The following NPAP1 variants were observed in gnomAD, a reference collection of about 807,000 sequenced individuals.
NPAP1 encodes nuclear pore-associated protein 1.
For missense variants in NPAP1, 1,483 were observed against 1,454.5 expected (o/e 1.02, Z -0.32); for synonymous variants, 616 against 581.4 (o/e 1.06, Z -0.86).
rs2048976923 is a variant in NPAP1, at chr15:24,676,564, T to A, written c.697T>A (p.Cys233Ser). The A allele has an allele frequency of 6.2e-7, 1 of 1,614,024 alleles. No homozygotes were observed. Among genetic ancestry groups the A allele is most frequent in the Non-Finnish European group, 8.5e-7 (1 of 1,180,002 alleles). The change falls in exon 1 of 1, where the codon TGC becomes AGC. Residue 233 changes from cysteine to serine, a missense_variant. By Grantham distance (112) the Cys-to-Ser change is moderately radical. Transcript: ENST00000329468. ...EKAQASPASSCLEGPAMPSTH... is the reference protein window; with the variant it reads ...EKAQASPASSSLEGPAMPSTH... The stretch of plus-strand genomic sequence containing the variant: ...GGCCCAGGCGTCTCCAGCGAGCTCC[T>A]GCTTGGAAGGCCCTGCCATGCCCAG...
At position 24,678,768 on chromosome 15, in the gene NPAP1, C is replaced by A. The variant is rs2141313415; in HGVS notation, c.2901C>A (p.His967Gln). The change falls in exon 1 of 1, where the codon CAC (histidine) becomes CAA (glutamine). Residue 967 changes from histidine to glutamine, a missense_variant. Coordinates refer to ENST00000329468, the MANE Select transcript of NPAP1 (RefSeq NM_018958.3). ...TPVNAEPVEG[H>Q]NASAFPNGTA... is the part of the protein sequence containing the mutation. Reference sequence around the variant, plus strand: ...TTAATGCTGAGCCAGTCGAGGGTCACAATGCAAGTGCTTTCCCCAATGGCA... The same window carrying A: ...TTAATGCTGAGCCAGTCGAGGGTCAAAATGCAAGTGCTTTCCCCAATGGCA... The A allele has an allele frequency of 6.2e-7, 1 of 1,614,220 alleles. No homozygotes were observed. The highest frequency in any genetic ancestry group is 8.5e-7 in the Non-Finnish European group (1 of 1,180,042).
rs200615809 is a variant in NPAP1, at chr15:24,676,145, C to T, written c.278C>T (p.Ala93Val). ...GVLPAVGWGL[A>V]IRKTPMLPAR... Reference sequence around the variant, plus strand: ...CTGCCGGCTGTGGGTTGGGGGCTGGCCATCAGGAAGACACCCATGCTGCCT... The same window carrying T: ...CTGCCGGCTGTGGGTTGGGGGCTGGTCATCAGGAAGACACCCATGCTGCCT... The change falls in exon 1 of 1, where the codon GCC (alanine) becomes GTC (valine). Residue 93 changes from alanine (A) to valine (V), a missense_variant. Coordinates refer to ENST00000329468, the MANE Select transcript of NPAP1 (RefSeq NM_018958.3). 779 of 1,574,944 alleles carry T rather than the reference C, an allele frequency of 4.9e-4. 8 individuals are homozygous for T. Among genetic ancestry groups the T allele is most frequent in the Admixed American group, 6.1e-4 (34 of 55,302 alleles).
chr15:24,677,523 A>G lies in NPAP1; in HGVS notation c.1656A>G (p.Ser552=), dbSNP rs2048985042. ...CCAGCAAGCCTATGAATTCCACGTCAGTCATTTCCACTGTCACAACAAACG... is the reference window on the plus strand; with the variant it reads ...CCAGCAAGCCTATGAATTCCACGTCGGTCATTTCCACTGTCACAACAAACG... ...VITSKPMNST[S]VISTVTTNAS... is the part of the protein sequence containing the mutation. The change falls in exon 1 of 1, where the codon TCA becomes TCG. Residue 552 remains serine, a synonymous_variant. Transcript: ENST00000329468. 6.2e-7 allele frequency: 1 copy of G among 1,614,126 alleles called. No individual in the cohort carries two copies. The highest frequency in any genetic ancestry group is 1.1e-5 in the South Asian group (1 of 91,082).
At position 24,680,996 on chromosome 15, in the gene NPAP1, G is replaced by A. The variant is rs75750655; in HGVS notation, c.*1658G>A. 7.9e-3 allele frequency: 1,323 copies of A among 167,166 alleles called. 19 individuals carry two copies. The highest frequency in any genetic ancestry group is 0.03 in the African/African-American group (1,242 of 41,562). 10.4% of individuals were successfully genotyped at this position (167,166 alleles called of 1,614,324 possible). The stretch of plus-strand genomic sequence containing the variant: ...TTTAAACGAAGCCTAGAGAGAAGCA[G>A]TTGAGCCAGATATATGAGCAAAGAC... On this transcript the variant is annotated 3_prime_UTR_variant, in exon 1 of 1. Transcript: ENST00000329468.
chr15:24,676,780 G>T, the NPAP1 span: 1 of 1,613,440 alleles, frequency 6.2e-7, no homozygotes. Context: ...GATGCCTGAT[G>T]AGAAGCCTTT....
At position 24,676,117 on chromosome 15, in the gene NPAP1, G is replaced by A. The variant is rs757661151; in HGVS notation, c.250G>A (p.Val84Ile). Residue 84 changes from valine (V) to isoleucine (I), a missense_variant, in exon 1 of 1, where the codon GTC becomes ATC. Transcript: ENST00000329468. ...TCGGGCTGCGGCCGCCCCTCTGGGG[G>A]TCCTGCCGGCTGTGGGTTGGGGGCT... ...LPRAAAAPLG[V>I]LPAVGWGLAI... The A allele has an allele frequency of 7.7e-6, 12 of 1,566,524 alleles. No individual in the cohort carries two copies. The highest frequency in any genetic ancestry group is 4.8e-5 in the South Asian group (4 of 83,424).
Position 24,678,875 on chromosome 15 carries a change from C to T in NPAP1, c.3008C>T (p.Pro1003Leu), listed in dbSNP as rs974714540. 27 of 1,614,132 alleles carry T rather than the reference C, an allele frequency of 1.7e-5. No homozygotes were observed. Among genetic ancestry groups the T allele is most frequent in the Non-Finnish European group, 2.1e-5 (25 of 1,180,024 alleles). ...DSTLLVGNTI[P>L]GPQVIMGPGT... ...ACCTTACTGGTTGGAAATACTATTC[C>T]AGGCCCACAAGTGATTATGGGACCT... Residue 1003 changes from proline (P) to leucine (L), a missense_variant, in exon 1 of 1, where the codon CCA becomes CTA. Pro to Leu is a moderately conservative substitution (Grantham distance 98, BLOSUM62 -3). Transcript: ENST00000329468.
In NPAP1 at chr15:24,680,143, A is replaced by AT. The variant is rs1353288363; in HGVS notation, c.*806dup. On this transcript the variant is annotated 3_prime_UTR_variant, in exon 1 of 1. Transcript: ENST00000329468. ...CCTGAGTAGCTGGGACTACAGGCAT[A>AT]TGCCACCACACCTGGCTATTTTTTA... is the stretch of plus-strand genomic sequence containing the variant. 1.9e-5 allele frequency: 3 copies of AT among 158,710 alleles called. No homozygotes were observed. The highest frequency in any genetic ancestry group is 7.2e-5 in the African/African-American group (3 of 41,410). The allele number at this position is 158,710 out of a possible 1,614,324, so 9.8% of individuals were successfully genotyped here. A position where few individuals can be genotyped will look rare whatever the true frequency, so the allele number is the denominator to read the frequency against.
rs1448478992 is a variant in NPAP1 at position 24,676,397 on chromosome 15, G to T, written c.530G>T (p.Arg177Met). The T allele has an allele frequency of 2.5e-6, 4 of 1,577,366 alleles. No homozygotes were observed. Among genetic ancestry groups the T allele is most frequent in the African/African-American group, 1.4e-5 (1 of 73,584 alleles). ...VQIEGEDDEKRTPLSSGEASS... is the reference protein window; with the variant it reads ...VQIEGEDDEKMTPLSSGEASS... ...ATCGAAGGGGAGGATGACGAGAAAA[G>T]GACCCCCCTTAGCAGCGGAGAAGCA... The change falls in exon 1 of 1, where the codon AGG becomes ATG. Residue 177 changes from arginine to methionine, a missense_variant. Physicochemically the swap from Arg to Met is moderately conservative, Grantham distance 91. Transcript: ENST00000329468.
chr15:24,680,367 G>A lies in NPAP1; in HGVS notation c.*1029G>A, dbSNP rs2049009430. On this transcript the variant is annotated 3_prime_UTR_variant, in exon 1 of 1. Transcript: ENST00000329468. ...TGGTCAGAGCACCTGTGCCTGTGAT[G>A]GAAAGCAGCCACTAGTGACACTTGT... is the stretch of plus-strand genomic sequence containing the variant. 1 of 167,228 alleles carries A rather than the reference G, an allele frequency of 6.0e-6. No homozygotes were observed. 10.4% of individuals were successfully genotyped at this position (167,228 alleles called of 1,614,324 possible).
rs2049008075 is a variant in NPAP1, at chr15:24,680,141, A to C, written c.*803A>C. 1 of 158,904 alleles carries C rather than the reference A, an allele frequency of 6.3e-6. No individual in the cohort carries two copies. The highest frequency in any genetic ancestry group is 2.4e-5 in the African/African-American group (1 of 41,408). 9.8% of individuals were successfully genotyped at this position (158,904 alleles called of 1,614,324 possible). A position where few individuals can be genotyped will look rare whatever the true frequency, so the allele number is the denominator to read the frequency against. Reference sequence around the variant, plus strand: ...CTCCTGAGTAGCTGGGACTACAGGCATATGCCACCACACCTGGCTATTTTT... The same window carrying C: ...CTCCTGAGTAGCTGGGACTACAGGCCTATGCCACCACACCTGGCTATTTTT... On this transcript the variant is annotated 3_prime_UTR_variant, in exon 1 of 1. Transcript: ENST00000329468.
In NPAP1 at chr15:24,683,345, G is replaced by T; in HGVS notation, c.*4007G>T. 6.0e-6 allele frequency: 1 copy of T among 167,436 alleles called. No individual in the cohort carries two copies. Among genetic ancestry groups the T allele is most frequent in the South Asian group, 1.8e-4 (1 of 5,460 alleles). The allele number at this position is 167,436 out of a possible 1,614,324, so 10.4% of individuals were successfully genotyped here. Reference sequence around the variant, plus strand: ...GGTGTACTCTTGTGGCAAAACTGCTGGCAAGTGTACCCTTTCTGCAGGAAG... The same window carrying T: ...GGTGTACTCTTGTGGCAAAACTGCTTGCAAGTGTACCCTTTCTGCAGGAAG... On this transcript the variant is annotated 3_prime_UTR_variant, in exon 1 of 1. Transcript: ENST00000329468.
chr15:24,676,682 T>C lies in NPAP1; in HGVS notation c.815T>C (p.Leu272Pro), dbSNP rs376779868. ...PPEPAVGCSLLQQKLAAEVLN... is the reference protein window; with the variant it reads ...PPEPAVGCSLPQQKLAAEVLN... ...GAGCCAGCCGTTGGCTGCTCCCTGCTGCAGCAGAAGTTGGCTGCGGAAGTG... is the reference window on the plus strand; with the variant it reads ...GAGCCAGCCGTTGGCTGCTCCCTGCCGCAGCAGAAGTTGGCTGCGGAAGTG... Residue 272 changes from leucine (L) to proline (P), a missense_variant, in exon 1 of 1, where the codon CTG becomes CCG. By Grantham distance (98) the Leu-to-Pro change is moderately conservative. Transcript: ENST00000329468. 1 of 1,613,982 alleles carries C rather than the reference T, an allele frequency of 6.2e-7. No homozygotes were observed. The highest frequency in any genetic ancestry group is 8.5e-7 in the Non-Finnish European group (1 of 1,180,050).
rs1191893113 is a variant in NPAP1 at position 24,679,953 on chromosome 15, T to G, written c.*615T>G. 5.4e-6 allele frequency: 1 copy of G among 184,764 alleles called. No individual in the cohort carries two copies. Among genetic ancestry groups the G allele is most frequent in the Non-Finnish European group, 1.2e-5 (1 of 80,504 alleles). The allele number at this position is 184,764 out of a possible 1,614,324, so 11.4% of individuals were successfully genotyped here. On this transcript the variant is annotated 3_prime_UTR_variant, in exon 1 of 1. Transcript: ENST00000329468. The stretch of plus-strand genomic sequence containing the variant: ...GCCCAACCAAGGTGCTCCTTTTGAC[T>G]TTAGAGGAACCAGCATTGTTTTTGT...
rs2141309618 is a variant in NPAP1, at chr15:24,677,116, A to C, written c.1249A>C (p.Thr417Pro). The C allele has an allele frequency of 1.9e-6, 3 of 1,613,854 alleles. No homozygotes were observed. The change falls in exon 1 of 1, where the codon ACT becomes CCT. Residue 417 changes from threonine to proline, a missense_variant. Physicochemically the swap from Thr to Pro is conservative, Grantham distance 38. Transcript: ENST00000329468. ...AGACTCCCTGCCCCTGACCACTTAC[A>C]CTTCCCAGGTCTCAGCTCCTTTGCC... ...TTDSLPLTTY[T>P]SQVSAPLPIP...
rs2141313512 is a variant in NPAP1, at chr15:24,678,813, T to C, written c.2946T>C (p.Phe982=). 6.2e-7 allele frequency: 1 copy of C among 1,614,224 alleles called. No individual in the cohort carries two copies. The highest frequency in any genetic ancestry group is 8.5e-7 in the Non-Finnish European group (1 of 1,180,042). The change falls in exon 1 of 1, where the codon TTT becomes TTC. Residue 982 remains phenylalanine, a synonymous_variant. Transcript: ENST00000329468. ...FPNGTAKTSG[F]RIATGMPGTG... The stretch of plus-strand genomic sequence containing the variant: ...ATGGCACAGCAAAGACTTCTGGATT[T>C]AGAATTGCCACTGGGATGCCTGGCA...
chr15:24,676,202 G>C lies in NPAP1; in HGVS notation c.335G>C (p.Ser112Thr), dbSNP rs2048974300. 1 of 1,543,970 alleles carries C rather than the reference G, an allele frequency of 6.5e-7. No individual in the cohort carries two copies. The change falls in exon 1 of 1, where the codon AGT becomes ACT. Residue 112 changes from serine to threonine, a missense_variant. Coordinates refer to ENST00000329468, the MANE Select transcript of NPAP1 (RefSeq NM_018958.3). ...AACCCCCCGAGGTTTGGACACCCCAGTTCCGTAAGGATCCCTCCTCCCAGC... is the reference window on the plus strand; with the variant it reads ...AACCCCCCGAGGTTTGGACACCCCACTTCCGTAAGGATCCCTCCTCCCAGC... ...ARNPPRFGHPSSVRIPPPSRM... is the reference protein window; with the variant it reads ...ARNPPRFGHPTSVRIPPPSRM...
At position 24,676,594 on chromosome 15, in the gene NPAP1, C is replaced by G. The variant is rs1184331090; in HGVS notation, c.727C>G (p.His243Asp). ...GGAAGGCCCTGCCATGCCCAGCACA[C>G]ACAGCCAGGCCGGATGTGCCCGGCA... Reference protein sequence around the residue: ...CLEGPAMPSTHSQAGCARHLG... With the variant: ...CLEGPAMPSTDSQAGCARHLG... The change falls in exon 1 of 1, where the codon CAC (histidine) becomes GAC (aspartate). Residue 243 changes from histidine to aspartate, a missense_variant. By Grantham distance (81) the His-to-Asp change is moderately conservative (BLOSUM62 -1). Coordinates refer to ENST00000329468, the MANE Select transcript of NPAP1 (RefSeq NM_018958.3). 1 of 1,614,074 alleles carries G rather than the reference C, an allele frequency of 6.2e-7. No individual in the cohort carries two copies. The highest frequency in any genetic ancestry group is 8.5e-7 in the Non-Finnish European group (1 of 1,180,028).
rs1319487446 is a variant in NPAP1 at position 24,678,322 on chromosome 15, G to A, written c.2455G>A (p.Ala819Thr). The part of the protein sequence containing the change: ...SASAASLSKP[A>T]IDTSDMNTTP... Reference sequence around the variant, plus strand: ...CTCTGCAGCATCGTTATCCAAGCCTGCCATTGACACCAGTGACATGAATAC... The same window carrying A: ...CTCTGCAGCATCGTTATCCAAGCCTACCATTGACACCAGTGACATGAATAC... Residue 819 changes from alanine to threonine, a missense_variant, in exon 1 of 1, where the codon GCC (alanine) becomes ACC (threonine). Physicochemically the swap from Ala to Thr is moderately conservative, Grantham distance 58. Coordinates refer to ENST00000329468, the MANE Select transcript of NPAP1 (RefSeq NM_018958.3). 1 of 1,613,704 alleles carries A rather than the reference G, an allele frequency of 6.2e-7. No homozygotes were observed. The highest frequency in any genetic ancestry group is 8.5e-7 in the Non-Finnish European group (1 of 1,179,944).
Sources: allele counts gnomAD v4.1 joint callset, GRCh38; gene constraint gnomAD v4.1.1; transcripts MANE v1.5; gene names NCBI Gene and HGNC (gene_info 2026-07-23, HGNC 2026-07-21).